PLAAT1: variants seen among roughly 807,000 people sequenced by gnomAD.
The protein encoded by PLAAT1 is phospholipase A and acyltransferase 1, also known as H-REV107 protein-related protein.
PLAAT1 carries 13 observed loss-of-function variants against 16.4 expected under a neutral mutation model. That is an observed-to-expected ratio of 0.79 (90% CI 0.52 to 1.26). The LOEUF (loss-of-function observed/expected upper bound fraction) is 1.26, where lower values mean the gene tolerates loss of function less well. Among genes scored for constraint, PLAAT1 ranks in the 50% most tolerant of loss-of-function variants. The pLI, the probability that PLAAT1 is intolerant of heterozygous loss-of-function variation, is 0.00. For missense variants in PLAAT1, 218 were observed against 207.8 expected, an observed-to-expected ratio of 1.05 and a Z score of -0.30; for synonymous variants, 73 against 78.4, an observed-to-expected ratio of 0.93 and a Z score of 0.36.
chr3:193,269,051 T>A (rs946364795), intron 3 of PLAAT1, among the ~76,000 whole-genome samples: 1 of 152,084 alleles, frequency 6.6e-6, no homozygotes, highest in Non-Finnish European at 1.5e-5. Flanking sequence ...TGTACTAGGG[T>A]TGGGCTTGAT....
At chr3:193,276,935 AGTGGTGGGCATTACT>A in intron 2 of PLAAT1, 1 of 828,338 alleles carries the variant, frequency 1.2e-6, no homozygotes, top group Non-Finnish European at 1.9e-6. Context: ...CTCTGAGCTT[AGTGGTGGGCATTACT>A]TTGTCCCTTT....
downstream of PLAAT1, among the ~76,000 whole-genome samples, chr3:193,273,476 T>G (rs1342508044): frequency 6.6e-6 from 1 of 152,236 alleles, no homozygotes; most frequent in African/African-American, 2.4e-5. Context: ...TGATTTACAG[T>G]AGCGAATTTC....
At chr3:193,250,074 C>T (rs1423390660) in intron 1 of PLAAT1, among the ~76,000 whole-genome samples, 2 of 152,122 alleles carry the variant, frequency 1.3e-5, no homozygotes, top group Non-Finnish European at 2.9e-5. Flanking sequence ...TTGTTTTCTG[C>T]ACATTAGATA....
downstream of PLAAT1, among the ~76,000 whole-genome samples, chr3:193,278,192 C>G (rs1205663745): frequency 3.3e-5 from 5 of 152,198 alleles, no homozygotes; most frequent in African/African-American, 1.2e-4. Flanking sequence ...CTTTGTAACT[C>G]TAGTACCAAA....
At chr3:193,277,075 T>C (rs1005444160) in intron 2 of PLAAT1, among the ~76,000 whole-genome samples, 5 of 152,190 alleles carry the variant, frequency 3.3e-5, no homozygotes, top group Non-Finnish European at 7.3e-5. Context: ...TGGTGCCTAC[T>C]GAGAAATGTG....
chr3:193,249,836 T>G (rs920261994), intron 1 of PLAAT1, among the ~76,000 whole-genome samples: 15 of 152,036 alleles, frequency 9.9e-5, no homozygotes, highest in Non-Finnish European at 2.2e-4. Context: ...GCTTGATGGT[T>G]TGTTTGGTAC....
At position 193,241,268 on chromosome 3, in the gene PLAAT1, C is replaced by G; in HGVS notation, c.-266C>G. ...GGCAGCGCCCGGACGCCGAGCCCAG[C>G]GCGTCGGCCCCCCGGCGTGCGGGCG... On this transcript the variant is annotated 5_prime_UTR_variant, in exon 1 of 4. Coordinates refer to ENST00000264735, the MANE Select transcript of PLAAT1 (RefSeq NM_020386.5). 1.6e-6 allele frequency: 2 copies of G among 1,228,676 alleles called. No homozygotes were observed. The highest frequency in any genetic ancestry group is 2.0e-6 in the Non-Finnish European group (2 of 986,140). The allele number at this position is 1,228,676 out of a possible 1,614,324, so 76.1% of individuals were successfully genotyped here. A position where few individuals can be genotyped will look rare whatever the true frequency, so the allele number is the denominator to read the frequency against.
At chr3:193,272,796 T>C (rs1276826803), downstream of PLAAT1, among the ~76,000 whole-genome samples, 1 of 135,274 alleles carries the variant, frequency 7.4e-6, no homozygotes, top group Admixed American at 7.9e-5. Flanking sequence ...GAGGGTGTGG[T>C]AGTTTTCACC....
intron 2 of PLAAT1, among the ~76,000 whole-genome samples, 182 bp from the exon 3 acceptor site, chr3:193,262,788 A>G (rs1027500223): frequency 6.6e-6 from 1 of 152,232 alleles, no homozygotes; most frequent in Non-Finnish European, 1.5e-5. Flanking sequence ...TACAATAGTA[A>G]GTGTTACTGC....
intron 1 of PLAAT1, among the ~76,000 whole-genome samples, chr3:193,245,839 TA>T (rs1229405093): frequency 6.6e-6 from 1 of 152,228 alleles, no homozygotes; most frequent in Non-Finnish European, 1.5e-5. Flanking sequence ...TCTTCTTTTG[TA>T]AAATGTCTGT....
intron 1 of PLAAT1, among the ~76,000 whole-genome samples, chr3:193,246,966 C>T (rs1716003951): frequency 1.3e-5 from 2 of 152,082 alleles, no homozygotes; most frequent in Admixed American, 1.3e-4. Context: ...ATGGGATTCA[C>T]CTGTGAAGCC....
intron 2 of PLAAT1, chr3:193,276,906 T>G: frequency 2.7e-6 from 3 of 1,107,038 alleles, no homozygotes; most frequent in Non-Finnish European, 3.9e-6. Flanking sequence ...ATTATTTAAT[T>G]TATAGATTTG....
chr3:193,258,853 T>C (rs1364499666), intron 2 of PLAAT1, among the ~76,000 whole-genome samples: 1 of 152,100 alleles, frequency 6.6e-6, no homozygotes, highest in African/African-American at 2.4e-5. Context: ...CCAATCCTAC[T>C]GAAACTACTC....
At chr3:193,276,391 C>T (rs1717201901) in intron 2 of PLAAT1, among the ~76,000 whole-genome samples, 1 of 152,170 alleles carries the variant, frequency 6.6e-6, no homozygotes, top group Non-Finnish European at 1.5e-5. Flanking sequence ...GAAGGCAGTT[C>T]TTCACTCTAA....
At chr3:193,279,976 TAAAAAAAAAAA>T (rs57617984), downstream of PLAAT1, among the ~76,000 whole-genome samples, 1 of 59,900 alleles carries the variant, frequency 1.7e-5, no homozygotes, top group East Asian at 6.5e-4. Context: ...GTGTCTTTGT[TAAAAAAAAAAA>T]AAAAAAAAAA....
intron 1 of PLAAT1, 100 bp from the exon 2 acceptor site, chr3:193,255,551 C>T (rs1716343486): frequency 8.4e-7 from 1 of 1,184,414 alleles, no homozygotes. Flanking sequence ...AGAATGCAGT[C>T]TCAATAAATT....
At chr3:193,247,891 A>G (rs1716039723) in intron 1 of PLAAT1, among the ~76,000 whole-genome samples, 1 of 152,204 alleles carries the variant, frequency 6.6e-6, no homozygotes, top group East Asian at 1.9e-4. Context: ...ATTGAGAAAA[A>G]TGTATATTCA....
At chr3:193,263,884 T>G (rs1198118812) in intron 3 of PLAAT1, among the ~76,000 whole-genome samples, 2 of 152,176 alleles carry the variant, frequency 1.3e-5, no homozygotes, top group African/African-American at 4.8e-5. Flanking sequence ...ATGTTCGTCT[T>G]TTCCCTACCT....
chr3:193,242,951 G>T (rs1417372436), intron 1 of PLAAT1, among the ~76,000 whole-genome samples: 1 of 152,160 alleles, frequency 6.6e-6, no homozygotes, highest in African/African-American at 2.4e-5. Context: ...AGTGCTCTTC[G>T]TGTTTCTGTA....
Sources: gnomAD v4.1 joint callset for allele counts (sites outside exome capture counted in the v4.1 genomes callset) on GRCh38, gnomAD v4.1.1 for gene constraint, MANE v1.5 for transcripts, NCBI Gene and HGNC (gene_info 2026-07-23, HGNC 2026-07-21) for gene names.